Variants in CPPED1 observed in about 807,000 individuals in gnomAD.
CPPED1 encodes calcineurin like phosphoesterase domain containing 1.
CPPED1 carries 28 observed loss-of-function variants against 28.0 expected under a neutral mutation model. That is an observed-to-expected ratio of 1.00 (90% confidence interval 0.74 to 1.37). The LOEUF is 1.37. Ranked by LOEUF, CPPED1 falls within the 40% of genes most tolerant of loss-of-function variation. The pLI, the probability that CPPED1 is intolerant of heterozygous loss-of-function variation, is 0.00. For synonymous variants in CPPED1, 198 were observed against 180.2 expected (o/e 1.10, Z -0.79); for missense variants, 504 against 416.5 (o/e 1.21, Z -1.83).
chr16:12,766,038 A>T (rs1292248921), intron 2 of CPPED1, among the ~76,000 whole-genome samples: 1 of 152,002 alleles, frequency 6.6e-6, no homozygotes, highest in Admixed American at 6.6e-5. Flanking sequence ...TAAATAATCC[A>T]GTCAGCTAAG....
intron 3 of CPPED1, among the ~76,000 whole-genome samples, chr16:12,665,542 A>G (rs1217949724): frequency 6.6e-6 from 1 of 152,234 alleles, no homozygotes; most frequent in Non-Finnish European, 1.5e-5. Flanking sequence ...CTGTAATCCC[A>G]GCACTTTGGG....
intron 2 of CPPED1, among the ~76,000 whole-genome samples, chr16:12,744,149 G>A (rs1009983314): frequency 9.9e-5 from 15 of 151,896 alleles, no homozygotes; most frequent in Non-Finnish European, 1.9e-4. Context: ...GGTGGCAGGT[G>A]CCTGTTGTCC....
intron 2 of CPPED1, among the ~76,000 whole-genome samples, chr16:12,716,147 T>A (rs1250809614): frequency 6.6e-6 from 1 of 152,250 alleles, no homozygotes; most frequent in African/African-American, 2.4e-5. Flanking sequence ...GAGAAAAATA[T>A]GTAATTGTGA....
chr16:12,718,794 C>T (rs2080121730), intron 2 of CPPED1, among the ~76,000 whole-genome samples: 1 of 151,944 alleles, frequency 6.6e-6, no homozygotes, highest in Non-Finnish European at 1.5e-5. Context: ...GAAACCCTGT[C>T]TCTACTAAAA....
chr16:12,731,026 T>C (rs905132754), intron 2 of CPPED1, among the ~76,000 whole-genome samples: 1 of 152,118 alleles, frequency 6.6e-6, no homozygotes, highest in Non-Finnish European at 1.5e-5. Flanking sequence ...AGATGGGACT[T>C]TTAGTCTTTA....
In CPPED1 at chr16:12,662,063, T is replaced by C. The variant is rs2079798065; in HGVS notation, c.*2823A>G. On this transcript the variant is annotated 3_prime_UTR_variant, in exon 4 of 4. Transcript: ENST00000381774. ...CCGTTCTTTCTCCACCAAGATGAGT[T>C]AGGCGACCTTGGCCACGTGACCCCC... 6.6e-6 allele frequency: 1 copy of C among 152,226 alleles called. No homozygotes were observed. Among genetic ancestry groups the C allele is most frequent in the Non-Finnish European group, 1.5e-5 (1 of 68,062 alleles). The allele number at this position is 152,226 out of a possible 1,614,324, so 9.4% of individuals were successfully genotyped here.
chr16:12,736,451 C>CCA (rs1430595217), intron 2 of CPPED1, among the ~76,000 whole-genome samples: 2 of 152,030 alleles, frequency 1.3e-5, no homozygotes, highest in Non-Finnish European at 2.9e-5. Context: ...GTTGGCTAGG[C>CCA]TGGTCTCAAG....
chr16:12,766,866 A>G (rs569274777), intron 2 of CPPED1, among the ~76,000 whole-genome samples: 75 of 152,310 alleles, frequency 4.9e-4, no homozygotes, highest in African/African-American at 1.6e-3. Flanking sequence ...GTCTCTGATC[A>G]GACTGCCATA....
At chr16:12,716,065 C>T (rs1377889979) in intron 2 of CPPED1, among the ~76,000 whole-genome samples, 2 of 152,108 alleles carry the variant, frequency 1.3e-5, no homozygotes, top group Admixed American at 6.5e-5. Flanking sequence ...AACTATGATA[C>T]CGGGCACAGA....
At position 12,781,169 on chromosome 16, in the gene CPPED1, A is replaced by G. The variant is rs1033196233; in HGVS notation, c.289+16T>C. The G allele has an allele frequency of 7.5e-6, 12 of 1,605,662 alleles. No homozygotes were observed. Among genetic ancestry groups the G allele is most frequent in the Non-Finnish European group, 1.0e-5 (12 of 1,175,346 alleles). On this transcript the variant is annotated intron_variant, in intron 2 of 3. Coordinates refer to ENST00000381774, the MANE Select transcript of CPPED1 (RefSeq NM_018340.3). ...GCTGAAGGAGAAAAGGTCACAAGCG[A>G]TGACCCGAGTCTTACCTGGCATGGC... is the stretch of plus-strand genomic sequence containing the variant.
intron 3 of CPPED1, among the ~76,000 whole-genome samples, chr16:12,686,562 T>C (rs2079934573): frequency 1.3e-5 from 2 of 152,212 alleles, no homozygotes; most frequent in South Asian, 4.1e-4. Flanking sequence ...TTCCCAACCC[T>C]CTTGCCTTCA....
intron 2 of CPPED1, among the ~76,000 whole-genome samples, chr16:12,774,026 G>T (rs1310321234): frequency 6.6e-6 from 1 of 152,210 alleles, no homozygotes; most frequent in Non-Finnish European, 1.5e-5. Context: ...CAGGCTTCCA[G>T]TCTCCACCCA....
chr16:12,755,316 C>CT (rs1316171147), intron 2 of CPPED1, among the ~76,000 whole-genome samples: 2 of 143,426 alleles, frequency 1.4e-5, no homozygotes, highest in African/African-American at 2.6e-5. Flanking sequence ...AGGTCTCCCT[C>CT]TGTTGCCCAG....
At chr16:12,690,903 C>G (rs988207383) in intron 3 of CPPED1, among the ~76,000 whole-genome samples, 3 of 152,178 alleles carry the variant, frequency 2.0e-5, no homozygotes, top group Non-Finnish European at 1.5e-5. Context: ...AGCACCAGCT[C>G]CTTTCCTGAG....
In CPPED1 at chr16:12,665,055, AG is replaced by A; in HGVS notation, c.775del (p.Leu259SerfsTer37). ...AATGGCAGATGACACCACCATGTCG[AG>A]GTTCTGGTAGGTACCCCCGGCATTC... is the stretch of plus-strand genomic sequence containing the variant. Reference protein sequence around the residue: ...HRNAGGTYQNLDMVVSSAIGC... With the variant: ...HRNAGGTYQNXDMVVSSAIGC... On this transcript the variant is annotated frameshift_variant, in exon 4 of 4. Coordinates refer to ENST00000381774, the MANE Select transcript of CPPED1 (RefSeq NM_018340.3). LOFTEE classifies it high-confidence loss of function. 1.2e-6 allele frequency: 2 copies of A among 1,607,508 alleles called. No individual in the cohort carries two copies. Among genetic ancestry groups the A allele is most frequent in the Non-Finnish European group, 1.7e-6 (2 of 1,177,426 alleles).
intron 1 of CPPED1, among the ~76,000 whole-genome samples, chr16:12,783,477 T>A (rs755028312): frequency 9.9e-5 from 15 of 151,934 alleles, no homozygotes; most frequent in Non-Finnish European, 2.1e-4. Context: ...CCAGCCTGGG[T>A]GAGAGATTCT....
At chr16:12,799,432 G>A (rs1457653585) in intron 1 of CPPED1, among the ~76,000 whole-genome samples, 1 of 152,044 alleles carries the variant, frequency 6.6e-6, no homozygotes, top group Non-Finnish European at 1.5e-5. Flanking sequence ...TTTTAGTAGA[G>A]ATGGGGTTTC....
At chr16:12,737,961 A>C (rs1482838369) in intron 2 of CPPED1, among the ~76,000 whole-genome samples, 1 of 152,190 alleles carries the variant, frequency 6.6e-6, no homozygotes, top group Non-Finnish European at 1.5e-5. Flanking sequence ...TACCAGGACA[A>C]AGTCATCATG....
intron 2 of CPPED1, among the ~76,000 whole-genome samples, chr16:12,728,643 T>C (rs1441074960): frequency 1.3e-5 from 2 of 152,224 alleles, no homozygotes; most frequent in African/African-American, 4.8e-5. Flanking sequence ...GCAACCTTCC[T>C]AGCCTGTTAC....
Sources: allele counts gnomAD v4.1 joint callset (sites outside exome capture counted in the v4.1 genomes callset), GRCh38; gene constraint gnomAD v4.1.1; transcripts MANE v1.5; gene names NCBI Gene and HGNC (gene_info 2026-07-23, HGNC 2026-07-21).